Variants in ADORA2B observed in about 807,000 individuals in gnomAD.
The protein encoded by ADORA2B is adenosine A2b receptor.
A neutral mutation model predicts 20.8 loss-of-function variants in ADORA2B; 18 were observed. That is an observed-to-expected ratio of 0.87 (90% confidence interval 0.60 to 1.29). The LOEUF (loss-of-function observed/expected upper bound fraction) is 1.29. Ranked by LOEUF, ADORA2B falls within the 50% of genes most tolerant of loss-of-function variation. ADORA2B has a pLI of 0.00. For missense variants in ADORA2B, 441 were observed against 422.7 expected, an observed-to-expected ratio of 1.04 and a Z score of -0.38; for synonymous variants, 179 against 178.3, an observed-to-expected ratio of 1.00 and a Z score of -0.03.
the ADORA2B span, among the ~76,000 whole-genome samples, chr17:15,925,752 G>A: frequency 2.6e-5 from 4 of 152,046 alleles, no homozygotes; most frequent in Non-Finnish European, 5.9e-5. Context: ...GGTGGATCAC[G>A]AGGTCAGGAG....
intron 1 of ADORA2B, among the ~76,000 whole-genome samples, chr17:15,952,122 A>T (rs1443901364): frequency 6.6e-6 from 1 of 151,782 alleles, no homozygotes; most frequent in Non-Finnish European, 1.5e-5. Flanking sequence ...ACATTTTCCC[A>T]CTACAGATCA....
At chr17:15,959,261 T>A (rs928750022) in intron 1 of ADORA2B, among the ~76,000 whole-genome samples, 1 of 152,186 alleles carries the variant, frequency 6.6e-6, no homozygotes, top group Non-Finnish European at 1.5e-5. Flanking sequence ...AGGGATTTTT[T>A]AAAAATTACA....
At chr17:15,917,808 C>T in the ADORA2B span, among the ~76,000 whole-genome samples, 6 of 152,324 alleles carry the variant, frequency 3.9e-5, no homozygotes, top group South Asian at 1.2e-3. Flanking sequence ...GCGCAGTCAC[C>T]GCCTACTCGG....
At chr17:15,881,071 G>T in the ADORA2B span, among the ~76,000 whole-genome samples, 1 of 151,994 alleles carries the variant, frequency 6.6e-6, no homozygotes. Flanking sequence ...TGTCCCTTTA[G>T]CCTTGTTGTT....
the ADORA2B span, among the ~76,000 whole-genome samples, chr17:15,886,726 C>T: frequency 7.7e-6 from 1 of 130,556 alleles, no homozygotes; most frequent in Non-Finnish European, 1.6e-5. Flanking sequence ...AAGAAAATTC[C>T]AGGAAAGTGT....
At chr17:15,906,156 C>T in the ADORA2B span, among the ~76,000 whole-genome samples, 2 of 152,204 alleles carry the variant, frequency 1.3e-5, no homozygotes, top group Admixed American at 6.5e-5. Flanking sequence ...TTAAATAGGA[C>T]AGATGAGAAA....
the ADORA2B span, among the ~76,000 whole-genome samples, chr17:15,920,275 A>G: frequency 9.3e-4 from 141 of 152,312 alleles, no homozygotes; most frequent in African/African-American, 3.1e-3. Flanking sequence ...TGCAATGTAC[A>G]CTATTCAGGT....
chr17:15,859,038 G>T, the ADORA2B span, among the ~76,000 whole-genome samples: 1 of 152,100 alleles, frequency 6.6e-6, no homozygotes, highest in Non-Finnish European at 1.5e-5. Flanking sequence ...TGCCCAGGCT[G>T]GTCTTGAACT....
At chr17:15,972,548 G>A (rs139411465) in intron 1 of ADORA2B, among the ~76,000 whole-genome samples, 417 of 152,256 alleles carry the variant, frequency 2.7e-3, no homozygotes, top group Non-Finnish European at 5.1e-3. Context: ...TATGGCATCT[G>A]TTGCTCTTAT....
chr17:15,925,646 C>A, the ADORA2B span, among the ~76,000 whole-genome samples: 1 of 152,120 alleles, frequency 6.6e-6, no homozygotes. Context: ...TTTGACTGTT[C>A]TCTTTCTGCG....
intron 1 of ADORA2B, among the ~76,000 whole-genome samples, chr17:15,947,500 GCTT>G (rs1223936358): frequency 6.6e-6 from 1 of 152,246 alleles, no homozygotes; most frequent in African/African-American, 2.4e-5. Context: ...CAGGCCCTGA[GCTT>G]CTTTGCATTG....
At chr17:15,909,257 C>T in the ADORA2B span, among the ~76,000 whole-genome samples, 1 of 152,070 alleles carries the variant, frequency 6.6e-6, no homozygotes, top group Non-Finnish European at 1.5e-5. Flanking sequence ...TGTGCTTTCT[C>T]TTATCCAAAA....
At chr17:15,920,780 C>G in the ADORA2B span, among the ~76,000 whole-genome samples, 1 of 151,868 alleles carries the variant, frequency 6.6e-6, no homozygotes, top group East Asian at 1.9e-4. Flanking sequence ...AAAAATGACA[C>G]GCCAGAAAGG....
the ADORA2B span, among the ~76,000 whole-genome samples, chr17:15,851,043 G>T: frequency 2.6e-5 from 4 of 152,220 alleles, no homozygotes; most frequent in African/African-American, 9.6e-5. Flanking sequence ...TTTTTGTAAA[G>T]GTTATATAAT....
At chr17:15,940,200 G>T (rs1186634903), upstream of ADORA2B, among the ~76,000 whole-genome samples, 1 of 152,220 alleles carries the variant, frequency 6.6e-6, no homozygotes, top group African/African-American at 2.4e-5. Context: ...GCCCGTCAGT[G>T]TTGGGAACAT....
At chr17:15,970,247 C>A (rs1970174872) in intron 1 of ADORA2B, among the ~76,000 whole-genome samples, 1 of 152,202 alleles carries the variant, frequency 6.6e-6, no homozygotes, top group South Asian at 2.1e-4. Context: ...AACTAATGAA[C>A]CAACAGGGAA....
chr17:15,940,317 A>G (rs1228176315), upstream of ADORA2B, among the ~76,000 whole-genome samples: 1 of 152,222 alleles, frequency 6.6e-6, no homozygotes, highest in Non-Finnish European at 1.5e-5. Flanking sequence ...TTCACTGAGC[A>G]GAGACTGAGG....
chr17:15,882,515 G>A, the ADORA2B span, among the ~76,000 whole-genome samples: 1 of 152,144 alleles, frequency 6.6e-6, no homozygotes, highest in Non-Finnish European at 1.5e-5. Context: ...GAAGTTCAAG[G>A]CTGCAGTGAG....
chr17:15,906,093 C>T, the ADORA2B span, among the ~76,000 whole-genome samples: 2 of 152,140 alleles, frequency 1.3e-5, no homozygotes, highest in East Asian at 3.8e-4. Context: ...ATTCGTATGC[C>T]ATTTATTTCT....
Sources: gnomAD v4.1 joint callset for allele counts (sites outside exome capture counted in the v4.1 genomes callset) on GRCh38, gnomAD v4.1.1 for gene constraint, MANE v1.5 for transcripts, NCBI Gene and HGNC (gene_info 2026-07-23, HGNC 2026-07-21) for gene names.